Variants in NRXN3 observed in about 807,000 individuals in gnomAD.
NRXN3 encodes the protein neurexin III.
In NRXN3, 32 loss-of-function variants were observed where a neutral mutation model predicts 137.6. The observed-to-expected ratio is 0.23, with a 90% CI of 0.18 to 0.31. The LOEUF (loss-of-function observed/expected upper bound fraction) is 0.31. NRXN3 is among the 10% of genes least tolerant of loss of function. The pLI is 1.00. For missense variants in NRXN3, 1,574 were observed against 2,062.5 expected, an observed-to-expected ratio of 0.76 and a Z score of 4.59; for synonymous variants, 798 against 784.5, an observed-to-expected ratio of 1.02 and a Z score of -0.29.
chr14:78,267,940 G>A (rs2072058880), intron 2 of NRXN3, among the ~76,000 whole-genome samples: 1 of 152,162 alleles, frequency 6.6e-6, no homozygotes, highest in Non-Finnish European at 1.5e-5. Context: ...GTCAATAAAT[G>A]TTAGCTATTT....
intron 16 of NRXN3, among the ~76,000 whole-genome samples, chr14:79,492,756 G>A (rs1036948386): frequency 6.6e-6 from 1 of 152,126 alleles, no homozygotes; most frequent in Admixed American, 6.5e-5. Flanking sequence ...ATTATGTAAA[G>A]TCTCAGAAGA....
At chr14:78,465,375 G>A (rs758552472) in intron 4 of NRXN3, among the ~76,000 whole-genome samples, 1 of 152,052 alleles carries the variant, frequency 6.6e-6, no homozygotes, top group Admixed American at 6.6e-5. Flanking sequence ...ATTAAATGAT[G>A]TGATAAAATG....
At chr14:79,173,530 CAAAAAA>C (rs57188919) in intron 15 of NRXN3, among the ~76,000 whole-genome samples, 33 of 90,990 alleles carry the variant, frequency 3.6e-4, no homozygotes, top group African/African-American at 1.4e-3. Flanking sequence ...GACCTTGTCT[CAAAAAA>C]AAAAAAAAAA....
At chr14:79,498,614 A>G (rs919248333) in intron 16 of NRXN3, among the ~76,000 whole-genome samples, 5 of 152,188 alleles carry the variant, frequency 3.3e-5, no homozygotes, top group Non-Finnish European at 5.9e-5. Context: ...GTTTGTTCAT[A>G]CAAAGTTCTA....
intron 4 of NRXN3, among the ~76,000 whole-genome samples, chr14:78,404,361 G>A (rs991802662): frequency 2.6e-5 from 4 of 152,108 alleles, no homozygotes; most frequent in African/African-American, 7.2e-5. Flanking sequence ...TTTCTTGTGA[G>A]TTTTTCAGAA....
At chr14:78,232,630 T>C (rs1468221033) in intron 1 of NRXN3, among the ~76,000 whole-genome samples, 1 of 152,184 alleles carries the variant, frequency 6.6e-6, no homozygotes, top group Non-Finnish European at 1.5e-5. Context: ...TTCCCCTCCT[T>C]TTCCCTCTCC....
intron 16 of NRXN3, among the ~76,000 whole-genome samples, chr14:79,550,654 A>G (rs1030766492): frequency 3.3e-5 from 5 of 152,136 alleles, no homozygotes; most frequent in African/African-American, 1.2e-4. Context: ...GAAAGTCAGA[A>G]AGGCCAGCCA....
At chr14:79,332,152 C>T (rs1003930312) in intron 15 of NRXN3, among the ~76,000 whole-genome samples, 1 of 152,122 alleles carries the variant, frequency 6.6e-6, no homozygotes, top group Non-Finnish European at 1.5e-5. Context: ...TGAAGGAGAC[C>T]TTAATTCTAT....
chr14:78,217,866 G>A (rs776079370), intron 1 of NRXN3, among the ~76,000 whole-genome samples: 1 of 152,116 alleles, frequency 6.6e-6, no homozygotes. Context: ...TCACCATGTT[G>A]ACCAGGCTGG....
chr14:78,686,153 C>G (rs2098124163), intron 6 of NRXN3, among the ~76,000 whole-genome samples: 1 of 152,164 alleles, frequency 6.6e-6, no homozygotes, highest in South Asian at 2.1e-4. Context: ...TACTTTGGAA[C>G]AGTTCCTGGC....
chr14:78,587,434 T>C (rs2097076146), intron 4 of NRXN3, among the ~76,000 whole-genome samples: 1 of 152,176 alleles, frequency 6.6e-6, no homozygotes, highest in Non-Finnish European at 1.5e-5. Context: ...TAGTTACCCC[T>C]CTGAAATCTA....
intron 4 of NRXN3, among the ~76,000 whole-genome samples, chr14:78,363,824 A>G (rs1019553813): frequency 5.9e-5 from 9 of 152,172 alleles, no homozygotes; most frequent in South Asian, 2.1e-4. Flanking sequence ...AGCTGCCCTC[A>G]TGATTTTCCT....
At chr14:78,447,068 C>A (rs1454244833) in intron 4 of NRXN3, among the ~76,000 whole-genome samples, 1 of 152,150 alleles carries the variant, frequency 6.6e-6, no homozygotes, top group Non-Finnish European at 1.5e-5. Flanking sequence ...ATCTCCATAG[C>A]CTGCGAGATG....
chr14:78,801,304 G>A (rs1244077517), intron 8 of NRXN3, among the ~76,000 whole-genome samples: 1 of 152,210 alleles, frequency 6.6e-6, no homozygotes, highest in Non-Finnish European at 1.5e-5. Flanking sequence ...CTGGATGACA[G>A]AGTGAGACTC....
intron 15 of NRXN3, among the ~76,000 whole-genome samples, chr14:79,269,539 G>A (rs1302271673): frequency 6.6e-6 from 1 of 152,182 alleles, no homozygotes; most frequent in Non-Finnish European, 1.5e-5. Flanking sequence ...ACCGGCGACT[G>A]AGGAGAGATG....
At chr14:79,527,977 A>G (rs767038410) in intron 16 of NRXN3, among the ~76,000 whole-genome samples, 2 of 151,864 alleles carry the variant, frequency 1.3e-5, no homozygotes, top group African/African-American at 2.4e-5. Context: ...GCAAGCATTT[A>G]TTTCTATATC....
chr14:79,256,160 G>GTC (rs1301103773), intron 15 of NRXN3, among the ~76,000 whole-genome samples: 3 of 147,236 alleles, frequency 2.0e-5, no homozygotes, highest in Non-Finnish European at 3.0e-5. Flanking sequence ...CTGTCTCTCT[G>GTC]TCTCTCTCTC....
At chr14:78,924,390 A>G (rs1033109167) in intron 10 of NRXN3, among the ~76,000 whole-genome samples, 1 of 151,946 alleles carries the variant, frequency 6.6e-6, no homozygotes, top group South Asian at 2.1e-4. Context: ...CATAAGCCCT[A>G]TTGTATTTTA....
In NRXN3 at chr14:79,280,631, T is replaced by TA. The variant is rs533881390; in HGVS notation, c.3263-186582dup. 1.3e-4 allele frequency: 161 copies of TA among 1,229,942 alleles called. 1 individual carries two copies. Among genetic ancestry groups the TA allele is most frequent in the Admixed American group, 1.0e-3 (47 of 45,844 alleles). The allele number at this position is 1,229,942 out of a possible 1,614,324, so 76.2% of individuals were successfully genotyped here. On this transcript the variant is annotated intron_variant, in intron 15 of 20. Coordinates refer to ENST00000335750, the MANE Select transcript of NRXN3 (RefSeq NM_001330195.2). ...TAGTGTCAAAGGTGGGAAGGGAATT[T>TA]AAAAAAAATGAATTTAAAATGATGA...
Sources: gnomAD v4.1 joint callset for allele counts (sites outside exome capture counted in the v4.1 genomes callset) on GRCh38, gnomAD v4.1.1 for gene constraint, MANE v1.5 for transcripts, NCBI Gene and HGNC (gene_info 2026-07-23, HGNC 2026-07-21) for gene names.